The following LYPD4 variants were observed in gnomAD, a reference collection of about 807,000 sequenced individuals.
The protein encoded by LYPD4 is ly6/PLAUR domain-containing protein 4.
Under a neutral mutation model 18.2 loss-of-function variants are expected in LYPD4, and 20 were observed. The ratio of observed to expected loss-of-function variants is 1.10; its 90% CI spans 0.77 to 1.59. The LOEUF (loss-of-function observed/expected upper bound fraction) is 1.59, where lower values mean the gene tolerates loss of function less well. Ranked by LOEUF, LYPD4 falls within the 40% of genes most tolerant of loss-of-function variation. LYPD4 has a pLI of 0.00. For missense variants in LYPD4, 278 were observed against 300.3 expected (o/e 0.93, Z 0.55); for synonymous variants, 111 against 118.3 (o/e 0.94, Z 0.40).
At chr19:41,839,442 A>G in intron 1 of LYPD4, 37 bp from the exon 2 acceptor site, 9 of 691,668 alleles carry the variant, frequency 1.3e-5, no homozygotes, top group South Asian at 1.3e-4. Flanking sequence ...CTTCTAGGAC[A>G]TAGGCTCCCT....
At chr19:41,840,891 T>C (rs2073566031) in intron 1 of LYPD4, among the ~76,000 whole-genome samples, 1 of 151,922 alleles carries the variant, frequency 6.6e-6, no homozygotes, top group Non-Finnish European at 1.5e-5. Context: ...TAAAGCAGTA[T>C]TTAGAAGTAA....
downstream of LYPD4, among the ~76,000 whole-genome samples, chr19:41,836,145 G>A (rs1555830246): frequency 6.6e-6 from 1 of 150,922 alleles, no homozygotes; most frequent in East Asian, 1.9e-4. Context: ...GAAGTTGCAG[G>A]GTGAGTGTAT....
At position 41,842,083 on chromosome 19, in the gene LYPD4, G is replaced by A. The variant is rs112119086; in HGVS notation, c.-121+1495C>T. 6.1e-3 allele frequency among the ~76,000 whole-genome samples: 923 copies of A among 151,826 alleles called. 8 individuals carry two copies. The highest frequency in any genetic ancestry group is 0.022 in the African/African-American group (896 of 41,370). On this transcript the variant is annotated intron_variant, in intron 1 of 4. Coordinates refer to ENST00000609812, the MANE Select transcript of LYPD4 (RefSeq NM_173506.7). ...TTTTTTTTTTCTGAGACTGGGTCTC[G>A]CTCTGTTGCCCAGGCTGGAGGACAG...
chr19:41,840,839 A>AT (rs1568764331), intron 1 of LYPD4, among the ~76,000 whole-genome samples: 2 of 151,758 alleles, frequency 1.3e-5, no homozygotes, highest in South Asian at 4.2e-4. Context: ...CAAAAAAAAA[A>AT]AAAATAAAAT....
At position 41,838,209 on chromosome 19, in the gene LYPD4, G is replaced by A; in HGVS notation, c.264C>T (p.Tyr88=). ...AAACAAGGTAGGAGATTTGCGCAGG[G>A]TAAGACGAAGACGAGCTGCAGCCTT... The part of the protein sequence containing the change: ...GFKGCSSSSS[Y]PAQISYLVSP... Residue 88 remains tyrosine, a synonymous_variant, in exon 4 of 5, where the codon TAC becomes TAT. Transcript: ENST00000609812. The A allele has an allele frequency of 1.9e-6, 3 of 1,566,026 alleles. No homozygotes were observed. The highest frequency in any genetic ancestry group is 2.6e-6 in the Non-Finnish European group (3 of 1,154,956).
intron 1 of LYPD4, among the ~76,000 whole-genome samples, chr19:41,843,356 G>A (rs868954795): frequency 4.6e-5 from 7 of 152,014 alleles, no homozygotes; most frequent in Middle Eastern, 6.8e-3. Context: ...ATCTCATAGG[G>A]TCATTGTGAA....
At position 41,839,205 on chromosome 19, in the gene LYPD4, C is replaced by A; in HGVS notation, c.67+14G>T. 6.2e-7 allele frequency: 1 copy of A among 1,614,138 alleles called. No individual in the cohort carries two copies. The highest frequency in any genetic ancestry group is 1.3e-5 in the African/African-American group (1 of 75,006). On this transcript the variant is annotated intron_variant, in intron 2 of 4. Transcript: ENST00000609812. ...CTTTCTGGGTCTTATAGCATCCAGC[C>A]CCACAGGACATACGAGGCAGAGTGG... is the stretch of plus-strand genomic sequence containing the variant.
rs1336657640 is a variant in LYPD4, at chr19:41,838,748, A to ATAT, written c.211+132_211+133insATA. 19 of 426,482 alleles carry ATAT rather than the reference A, an allele frequency of 4.5e-5. No homozygotes were observed. The Admixed American group carries it at 4.8e-4, about 11-fold the overall frequency. 26.4% of individuals were successfully genotyped at this position (426,482 alleles called of 1,614,324 possible). On this transcript the variant is annotated intron_variant, in intron 3 of 4. Transcript: ENST00000609812. ...CCCCATCTCAAAAAAAATTAAAAAA[A>ATAT]ATATATATACATATATATATATATG...
At position 41,838,901 on chromosome 19, in the gene LYPD4, GTCTCC is replaced by G; in HGVS notation, c.186_190del (p.Glu62AspfsTer6). The G allele has an allele frequency of 6.2e-7, 1 of 1,613,874 alleles. No homozygotes were observed. Among genetic ancestry groups the G allele is most frequent in the Non-Finnish European group, 8.5e-7 (1 of 1,179,990 alleles). The stretch of plus-strand genomic sequence containing the variant: ...TTCACCTGTCTCAATGAACACTAGC[GTCTCC>G]TCGCAGCCCTCTTGCAGCTTACACA... On this transcript the variant is annotated frameshift_variant, in exon 3 of 5. Transcript: ENST00000609812. LOFTEE classifies it high-confidence loss of function.
rs1181181788 is a variant in LYPD4 at position 41,844,668 on chromosome 19, C to G, written c.-1211G>C. ...GGCCAGAAACGAGGCAACCCGTGCA[C>G]AGACCGGGCTTGGTCAACGCCCCAG... is the stretch of plus-strand genomic sequence containing the variant. On this transcript the variant is annotated 5_prime_UTR_variant, in exon 1 of 5. Coordinates refer to ENST00000609812, the MANE Select transcript of LYPD4 (RefSeq NM_173506.7). 1 of 152,372 alleles carries G rather than the reference C, an allele frequency of 6.6e-6. No individual in the cohort carries two copies. The highest frequency in any genetic ancestry group is 1.9e-4 in the East Asian group (1 of 5,182). 9.4% of individuals were successfully genotyped at this position (152,372 alleles called of 1,614,324 possible). A position where few individuals can be genotyped will look rare whatever the true frequency, so the allele number is the denominator to read the frequency against.
At chr19:41,843,077 AC>A (rs1555833985) in intron 1 of LYPD4, among the ~76,000 whole-genome samples, 37,932 of 48,456 alleles carry the variant, frequency 0.78, 16,278 homozygotes, top group East Asian at 0.86. Flanking sequence ...AAAAAAAAAA[AC>A]CCCAACAACA....
rs1388231728 is a variant in LYPD4, at chr19:41,837,084, TCTG to T, written c.*56_*58del. ...CCACAGGACAATGCAGAAAGGGAAC[TCTG>T]CTATTTTATTTGTTATGTGAAAGAG... On this transcript the variant is annotated 3_prime_UTR_variant, in exon 5 of 5. Coordinates refer to ENST00000609812, the MANE Select transcript of LYPD4 (RefSeq NM_173506.7). 6.2e-6 allele frequency: 10 copies of T among 1,608,838 alleles called. No homozygotes were observed. In the African/African-American group the frequency reaches 1.3e-4, roughly 22 times the overall value.
At chr19:41,835,615 T>C (rs2073362688), downstream of LYPD4, 2 of 181,178 alleles carry the variant, frequency 1.1e-5, no homozygotes, top group South Asian at 1.9e-4. Context: ...ACCTAAAGCC[T>C]CTTGTCGTAG....
At chr19:41,836,287 C>CAAAACAAAAAA (rs2073372055), downstream of LYPD4, among the ~76,000 whole-genome samples, 1 of 19,930 alleles carries the variant, frequency 5.0e-5, no homozygotes, top group African/African-American at 2.2e-4. Flanking sequence ...GCCAACTTAC[C>CAAAACAAAAAA]AAAAAAAAAA....
At position 41,837,338 on chromosome 19, in the gene LYPD4, G is replaced by A. The variant is rs367605684; in HGVS notation, c.546C>T (p.Leu182=). Residue 182 remains leucine, a synonymous_variant, in exon 5 of 5, where the codon CTC becomes CTT. Transcript: ENST00000609812. Reference sequence around the variant, plus strand: ...ACCCCATGAGGAGGAAGGTGGTATTGAGAAACCCTGTAAGGAAGAGAGGGA... The same window carrying A: ...ACCCCATGAGGAGGAAGGTGGTATTAAGAAACCCTGTAAGGAAGAGAGGGA... ...SSTLKFQAGF[L]NTTFLLMGCA... 2.5e-6 allele frequency: 4 copies of A among 1,613,910 alleles called. No homozygotes were observed. The highest frequency in any genetic ancestry group is 1.3e-5 in the African/African-American group (1 of 75,012).
rs11880579 is a variant in LYPD4, at chr19:41,844,654, A to G, written c.-1197T>C. On this transcript the variant is annotated 5_prime_UTR_variant, in exon 1 of 5. Coordinates refer to ENST00000609812, the MANE Select transcript of LYPD4 (RefSeq NM_173506.7). ...ACAAGGCAAGGGAAGGCCAGAAACG[A>G]GGCAACCCGTGCACAGACCGGGCTT... The G allele has an allele frequency of 0.025, 3,749 of 152,392 alleles. 160 individuals are homozygous for G. Among genetic ancestry groups the G allele is most frequent in the African/African-American group, 0.084 (3,499 of 41,548 alleles). The allele number at this position is 152,392 out of a possible 1,614,324, so 9.4% of individuals were successfully genotyped here.
Position 41,837,213 on chromosome 19 carries a change from C to T in LYPD4, c.671G>A (p.Gly224Asp), listed in dbSNP as rs186047531. The T allele has an allele frequency of 1.2e-6, 2 of 1,614,068 alleles. No homozygotes were observed. Among genetic ancestry groups the T allele is most frequent in the Non-Finnish European group, 1.7e-6 (2 of 1,179,968 alleles). ...LNILEKSQIV[G>D]AASSRQDPAW... ...AGGATCTTGCCTGGAGGATGCTGCA[C>T]CAACAATCTGAGACTTCTCTAAGAT... The change falls in exon 5 of 5, where the codon GGT becomes GAT. Residue 224 changes from glycine to aspartate, a missense_variant. Coordinates refer to ENST00000609812, the MANE Select transcript of LYPD4 (RefSeq NM_173506.7).
At position 41,838,886 on chromosome 19, in the gene LYPD4, T is replaced by G. The variant is rs1054811504; in HGVS notation, c.206A>C (p.Glu69Ala). ...EGCEETLVFI[E>A]TGTARGVVGF... ...TCAAACTTAGACTGCTTCACCTGTC[T>G]CAATGAACACTAGCGTCTCCTCGCA... is the stretch of plus-strand genomic sequence containing the variant. The change falls in exon 3 of 5, where the codon GAG (glutamate) becomes GCG (alanine). Residue 69 changes from glutamate (E) to alanine (A), a missense_variant. Physicochemically the swap from Glu to Ala is moderately radical, Grantham distance 107 (BLOSUM62 -1). Transcript: ENST00000609812. 1.9e-6 allele frequency: 3 copies of G among 1,613,852 alleles called. No homozygotes were observed. In the African/African-American group the frequency reaches 4.0e-5, roughly 22 times the overall value.
Position 41,839,252 on chromosome 19 carries a change from A to G in LYPD4, c.34T>C (p.Phe12Leu). Reference protein sequence around the residue: ...GPQHLRLVQLFCLLGAISTLP... With the variant: ...GPQHLRLVQLLCLLGAISTLP... ...GTGGAGATGGCCCCTAGAAGGCAGA[A>G]CAGCTGCACAAGTCTCAAATGCTGG... Residue 12 changes from phenylalanine to leucine, a missense_variant, in exon 2 of 5, where the codon TTC becomes CTC. Transcript: ENST00000609812. 6.2e-7 allele frequency: 1 copy of G among 1,614,142 alleles called. No homozygotes were observed. The highest frequency in any genetic ancestry group is 2.2e-5 in the East Asian group (1 of 44,886).
Sources: gnomAD v4.1 joint callset for allele counts (sites outside exome capture counted in the v4.1 genomes callset) on GRCh38, gnomAD v4.1.1 for gene constraint, MANE v1.5 for transcripts, NCBI Gene and HGNC (gene_info 2026-07-23, HGNC 2026-07-21) for gene names.